Variants in CEP83 observed in about 807,000 individuals in gnomAD.
The protein encoded by CEP83 is centrosomal protein 83, also known as centrosomal protein of 83 kDa.
Under a neutral mutation model 101.9 loss-of-function variants are expected in CEP83, and 70 were observed. The ratio of observed to expected loss-of-function variants is 0.69; its 90% confidence interval spans 0.57 to 0.84. The LOEUF is 0.84. Among genes scored for constraint, CEP83 ranks in the 40% least tolerant of loss-of-function variants. The probability of loss-of-function intolerance (pLI) is 0.00; values close to 1 mark genes in which losing one functional copy is unlikely to be tolerated. For missense variants in CEP83, 715 were observed against 787.2 expected (o/e 0.91, Z 1.10); for synonymous variants, 264 against 267.9 (o/e 0.99, Z 0.14).
chr12:94,368,335 A>G lies in CEP83; in HGVS notation c.1049-134T>C, dbSNP rs1028450315. 4 of 638,016 alleles carry G rather than the reference A, an allele frequency of 6.3e-6. No individual in the cohort carries two copies. In the African/African-American group the frequency reaches 7.4e-5, roughly 12 times the overall value. 39.5% of individuals were successfully genotyped at this position (638,016 alleles called of 1,614,324 possible). On this transcript the variant is annotated intron_variant, in intron 9 of 16. Coordinates refer to ENST00000397809, the MANE Select transcript of CEP83 (RefSeq NM_016122.3). ...TCTCTACAAATATATATTCTCAACA[A>G]TACTCACATCATTAATAAACACTCT...
intron 11 of CEP83, among the ~76,000 whole-genome samples, chr12:94,342,169 C>T (rs925035487): frequency 6.6e-6 from 1 of 152,124 alleles, no homozygotes; most frequent in African/African-American, 2.4e-5. Context: ...ATAAGTATAC[C>T]TCTGCCTGAA....
chr12:94,313,684 A>G (rs1027624141), intron 14 of CEP83, among the ~76,000 whole-genome samples: 2 of 152,024 alleles, frequency 1.3e-5, no homozygotes, highest in African/African-American at 4.8e-5. Context: ...TAAAAATATA[A>G]AAATTAGCTG....
chr12:94,351,259 A>G (rs921621600), intron 11 of CEP83, among the ~76,000 whole-genome samples: 3 of 152,168 alleles, frequency 2.0e-5, no homozygotes, highest in African/African-American at 7.2e-5. Context: ...GCTACAGAAG[A>G]GCCCTAGAGT....
chr12:94,383,386 C>CT (rs1011802672), intron 6 of CEP83, among the ~76,000 whole-genome samples: 10 of 152,004 alleles, frequency 6.6e-5, no homozygotes, highest in Admixed American at 2.0e-4. Context: ...TGGACCCTGA[C>CT]TTATGATGGT....
chr12:94,360,132 A>C (rs1018911938), intron 11 of CEP83, among the ~76,000 whole-genome samples: 2 of 152,226 alleles, frequency 1.3e-5, no homozygotes, highest in African/African-American at 2.4e-5. Flanking sequence ...ACCTCAATAC[A>C]ATGAATACCA....
At chr12:94,271,406 C>T in the CEP83 span, among the ~76,000 whole-genome samples, 29,860 of 152,158 alleles carry the variant, frequency 0.2, 3,357 homozygotes, top group African/African-American at 0.31. Flanking sequence ...ATCCTGCCAG[C>T]CCCCTGCAGC....
At chr12:94,437,093 C>T (rs1385233350) in intron 1 of CEP83, among the ~76,000 whole-genome samples, 1 of 151,902 alleles carries the variant, frequency 6.6e-6, no homozygotes, top group East Asian at 1.9e-4. Flanking sequence ...GCCTGTAATC[C>T]AGCACTTCGG....
At chr12:94,354,457 A>G (rs1488263237) in intron 11 of CEP83, among the ~76,000 whole-genome samples, 1 of 152,072 alleles carries the variant, frequency 6.6e-6, no homozygotes, top group Non-Finnish European at 1.5e-5. Flanking sequence ...AAGTGCTGGG[A>G]TTACAGGTAT....
chr12:94,320,686 T>C (rs1023954722), intron 14 of CEP83, among the ~76,000 whole-genome samples: 3 of 152,210 alleles, frequency 2.0e-5, no homozygotes, highest in African/African-American at 7.2e-5. Flanking sequence ...AATTCTTGGT[T>C]GAAGATTTTT....
chr12:94,367,808 C>T lies in CEP83; in HGVS notation c.1329G>A (p.Glu443=), dbSNP rs1290945458. ...SQMAEEITRK[E]LQSVRLKLQQ... ...GTATATATAACCTAACACTCTGAAG[C>T]TCCTTCCTGGTGATCTCTTCTGCCA... is the stretch of plus-strand genomic sequence containing the variant. The change falls in exon 11 of 17, where the codon GAG becomes GAA. Residue 443 remains glutamate, a synonymous_variant. Transcript: ENST00000397809. The T allele has an allele frequency of 6.2e-7, 1 of 1,609,984 alleles. No homozygotes were observed. The highest frequency in any genetic ancestry group is 1.7e-5 in the Admixed American group (1 of 59,164).
chr12:94,303,671 GGAATATTA>G, downstream of CEP83: 1 of 1,211,546 alleles, frequency 8.3e-7, no homozygotes, highest in Non-Finnish European at 1.1e-6. Flanking sequence ...CAGCTACATT[GGAATATTA>G]TAAATTCCTC....
At chr12:94,422,797 T>A (rs2064863945) in intron 2 of CEP83, among the ~76,000 whole-genome samples, 1 of 152,258 alleles carries the variant, frequency 6.6e-6, no homozygotes, top group African/African-American at 2.4e-5. Flanking sequence ...TGTTCCTTTT[T>A]AAGGCTAAAT....
chr12:94,392,478 A>G (rs11107525), intron 6 of CEP83, among the ~76,000 whole-genome samples: 41,392 of 152,182 alleles, frequency 0.27, 5,797 homozygotes, highest in South Asian at 0.33. Context: ...TCTCTGGGAC[A>G]CATTTACAGC....
intron 8 of CEP83, among the ~76,000 whole-genome samples, chr12:94,374,003 T>A (rs780137691): frequency 1.3e-5 from 2 of 152,198 alleles, no homozygotes; most frequent in African/African-American, 4.8e-5. Context: ...TCCATTTATA[T>A]GCAAAATAAG....
At chr12:94,300,758 G>A in the CEP83 span, 3 of 521,946 alleles carry the variant, frequency 5.7e-6, no homozygotes, top group Non-Finnish European at 9.9e-6. Context: ...CTCTCCAAGT[G>A]ACGCTTCTGT....
intron 11 of CEP83, among the ~76,000 whole-genome samples, chr12:94,343,510 T>G: frequency 8.2e-6 from 1 of 122,470 alleles, no homozygotes; most frequent in Admixed American, 1.0e-4. Context: ...TGAGACGGAG[T>G]CTCGCTCTGT....
chr12:94,337,565 T>C (rs555852094), intron 11 of CEP83, among the ~76,000 whole-genome samples: 21 of 152,340 alleles, frequency 1.4e-4, no homozygotes, highest in South Asian at 6.2e-4. Flanking sequence ...TAAAGTACAG[T>C]ATCTCTTTTT....
intron 2 of CEP83, among the ~76,000 whole-genome samples, chr12:94,430,373 AG>A (rs1566183435): frequency 6.6e-6 from 1 of 152,154 alleles, no homozygotes; most frequent in South Asian, 2.1e-4. Flanking sequence ...TAAAGAAATC[AG>A]AAAAACAATT....
chr12:94,279,371 C>A, the CEP83 span: 2 of 874,046 alleles, frequency 2.3e-6, no homozygotes, highest in Non-Finnish European at 1.8e-6. Context: ...AATGTGCTGT[C>A]AGAGGTATTA....
Sources: allele counts gnomAD v4.1 joint callset (sites outside exome capture counted in the v4.1 genomes callset), GRCh38; gene constraint gnomAD v4.1.1; transcripts MANE v1.5; gene names NCBI Gene and HGNC (gene_info 2026-07-23, HGNC 2026-07-21).